MYRFL: variants seen among roughly 807,000 people sequenced by gnomAD.
MYRFL encodes myelin regulatory factor like.
MYRFL carries 88 observed loss-of-function variants against 109.4 expected under a neutral mutation model. The observed-to-expected ratio is 0.80, with a 90% confidence interval of 0.68 to 0.96. The LOEUF (loss-of-function observed/expected upper bound fraction) is 0.96. Among genes scored for constraint, MYRFL ranks in the 40% least tolerant of loss-of-function variants. The pLI is 0.00. For synonymous variants in MYRFL, 324 were observed against 320.9 expected (o/e 1.01, Z -0.10); for missense variants, 957 against 954.9 (o/e 1.00, Z -0.03).
intron 2 of MYRFL, among the ~76,000 whole-genome samples, chr12:69,863,228 C>G (rs546382639): frequency 2.3e-4 from 35 of 152,252 alleles, no homozygotes; most frequent in African/African-American, 8.2e-4. Context: ...GGTTGTGTCT[C>G]TGCCCGGCGT....
chr12:69,875,965 A>G (rs1191116748), intron 2 of MYRFL, among the ~76,000 whole-genome samples: 1 of 151,988 alleles, frequency 6.6e-6, no homozygotes, highest in Non-Finnish European at 1.5e-5. Context: ...CAAATTGTAA[A>G]CTTTGTCTCG....
chr12:69,892,207 C>T (rs751188208), intron 7 of MYRFL, among the ~76,000 whole-genome samples: 2 of 152,104 alleles, frequency 1.3e-5, no homozygotes, highest in South Asian at 2.1e-4. Context: ...ATTTAGTCAA[C>T]GCCCTCCTGT....
At chr12:69,848,871 T>C (rs779117393) in intron 1 of MYRFL, among the ~76,000 whole-genome samples, 5 of 152,214 alleles carry the variant, frequency 3.3e-5, no homozygotes, top group Non-Finnish European at 7.4e-5. Context: ...TATTTGTTTT[T>C]GTTTTTGTTA....
At position 69,842,774 on chromosome 12, in the gene MYRFL, C is replaced by T. The variant is rs568714310; in HGVS notation, c.47-12506C>T. Among the ~76,000 whole-genome samples the T allele has an allele frequency of 4.6e-5, 7 of 152,294 alleles. No homozygotes were observed. In the South Asian group the frequency reaches 1.4e-3, roughly 32 times the overall value. On this transcript the variant is annotated intron_variant, in intron 1 of 24. Transcript: ENST00000552032. Reference sequence around the variant, plus strand: ...TGAATCCCTACTTAACCTTAAAAAGCCCTCTCAGGTGTCACTGATAGGAAG... The same window carrying T: ...TGAATCCCTACTTAACCTTAAAAAGTCCTCTCAGGTGTCACTGATAGGAAG...
intron 5 of MYRFL, among the ~76,000 whole-genome samples, chr12:69,880,927 A>T: frequency 6.8e-6 from 1 of 146,256 alleles, no homozygotes; most frequent in African/African-American, 2.5e-5. Flanking sequence ...CGAGTCATCT[A>T]ATGTCCAAGC....
chr12:69,944,169 C>G (rs1955755503), intron 19 of MYRFL, among the ~76,000 whole-genome samples: 1 of 147,266 alleles, frequency 6.8e-6, no homozygotes, highest in Non-Finnish European at 1.5e-5. Context: ...TTTGACCCAG[C>G]CATCCCATTA....
At position 69,828,554 on chromosome 12, in the gene MYRFL, C is replaced by T. The variant is rs12372439; in HGVS notation, c.46+2991C>T. Among the ~76,000 whole-genome samples, 285 of 152,182 alleles carry T rather than the reference C, an allele frequency of 1.9e-3. 1 individual carries two copies. Among genetic ancestry groups the T allele is most frequent in the South Asian group, 8.9e-3 (43 of 4,818 alleles). ...TTAACGTTTGCAAAGTTTAAGTTAACTTGAAACTTTAACGTTTGCAAAGTT... is the reference window on the plus strand; with the variant it reads ...TTAACGTTTGCAAAGTTTAAGTTAATTTGAAACTTTAACGTTTGCAAAGTT... On this transcript the variant is annotated intron_variant, in intron 1 of 24. Transcript: ENST00000552032.
intron 21 of MYRFL, among the ~76,000 whole-genome samples, chr12:69,954,258 T>C (rs1376375706): frequency 6.6e-6 from 1 of 152,232 alleles, no homozygotes; most frequent in East Asian, 1.9e-4. Flanking sequence ...AAGATGGGGA[T>C]ACTTTCAAAA....
rs1336716063 is a variant in MYRFL at position 69,926,932 on chromosome 12, G to GTTTTTTTTTTTTTTTTTTTTTTTTTT, written c.1766+198_1766+199insTTTTTTTTTTTTTTTTTTTTTTTTTT. On this transcript the variant is annotated intron_variant, in intron 14 of 24. Transcript: ENST00000552032. ...ACTTTCTTAGTTTTTTTCTGTTGCTGGTTTTTTTTTTTTTTTTTTTTTTTT... is the reference window on the plus strand; with the variant it reads ...ACTTTCTTAGTTTTTTTCTGTTGCTGTTTTTTTTTTTTTTTTTTTTTTTTTTGTTTTTTTTTTTTTTTTTTTTTTTT... Among the ~76,000 whole-genome samples the GTTTTTTTTTTTTTTTTTTTTTTTTTT allele has an allele frequency of 9.2e-4, 71 of 76,848 alleles. 28 individuals are homozygous for GTTTTTTTTTTTTTTTTTTTTTTTTTT. The highest frequency in any genetic ancestry group is 1.7e-3 in the Non-Finnish European group (67 of 39,076). 50.4% of individuals were successfully genotyped at this position (76,848 alleles called of 152,430 possible).
At chr12:69,925,396 T>A (rs1159948622) in intron 13 of MYRFL, among the ~76,000 whole-genome samples, 1 of 152,214 alleles carries the variant, frequency 6.6e-6, no homozygotes, top group East Asian at 1.9e-4. Flanking sequence ...TGCTCTACAG[T>A]GTTCGAAACC....
intron 13 of MYRFL, among the ~76,000 whole-genome samples, chr12:69,915,638 T>C (rs1280932688): frequency 6.6e-6 from 1 of 152,064 alleles, no homozygotes; most frequent in Non-Finnish European, 1.5e-5. Context: ...CTGGGGTAAT[T>C]TGCCTCTTCT....
In MYRFL at chr12:69,926,643, A is replaced by G; in HGVS notation, c.1675A>G (p.Ile559Val). Reference sequence around the variant, plus strand: ...ACTAACTAACAACCTTGAGGAAAGAATAGAAGAGTTAGAAATATGGAACAG... The same window carrying G: ...ACTAACTAACAACCTTGAGGAAAGAGTAGAAGAGTTAGAAATATGGAACAG... ...CKLTNNLEERIEELEIWNRKL... is the reference protein window; with the variant it reads ...CKLTNNLEERVEELEIWNRKL... Residue 559 changes from isoleucine to valine, a missense_variant, in exon 14 of 25, where the codon ATA (isoleucine) becomes GTA (valine). Transcript: ENST00000552032. 1 of 1,531,076 alleles carries G rather than the reference A, an allele frequency of 6.5e-7. No individual in the cohort carries two copies. The highest frequency in any genetic ancestry group is 8.7e-7 in the Non-Finnish European group (1 of 1,143,952). The allele number at this position is 1,531,076 out of a possible 1,614,324, so 94.8% of individuals were successfully genotyped here. A position where few individuals can be genotyped will look rare whatever the true frequency, so the allele number is the denominator to read the frequency against.
chr12:69,888,082 G>A (rs781572126), intron 6 of MYRFL, among the ~76,000 whole-genome samples: 1 of 152,130 alleles, frequency 6.6e-6, no homozygotes, highest in Non-Finnish European at 1.5e-5. Context: ...AGTTTTCAAG[G>A]TAAGTGTTAT....
At chr12:69,834,305 T>C (rs1882809834) in intron 1 of MYRFL, among the ~76,000 whole-genome samples, 3 of 152,216 alleles carry the variant, frequency 2.0e-5, no homozygotes, top group African/African-American at 7.2e-5. Context: ...TCATGTGACT[T>C]GATGCTGAGA....
At chr12:69,945,919 G>A (rs1351896900) in intron 19 of MYRFL, among the ~76,000 whole-genome samples, 11 of 137,606 alleles carry the variant, frequency 8.0e-5, no homozygotes, top group South Asian at 7.1e-4. Flanking sequence ...CCCGGGAGGC[G>A]GAGCTTGCAG....
intron 1 of MYRFL, among the ~76,000 whole-genome samples, chr12:69,840,069 A>G (rs1037798473): frequency 1.3e-5 from 2 of 152,214 alleles, no homozygotes; most frequent in East Asian, 1.9e-4. Context: ...TCCCCATATT[A>G]TATTTACATA....
At chr12:69,905,991 G>T (rs1449182268) in intron 11 of MYRFL, among the ~76,000 whole-genome samples, 2 of 152,164 alleles carry the variant, frequency 1.3e-5, no homozygotes, top group Non-Finnish European at 2.9e-5. Context: ...CAATTTGATG[G>T]CATGCATAGG....
intron 8 of MYRFL, 25 bp from the exon 9 acceptor site, chr12:69,895,346 T>TC (rs1953951583): frequency 7.1e-7 from 1 of 1,414,020 alleles, no homozygotes; most frequent in Non-Finnish European, 9.5e-7. Context: ...GTCTCTTGGT[T>TC]TTTTTTTTTT....
At chr12:69,930,971 C>T (rs1955255231) in intron 15 of MYRFL, among the ~76,000 whole-genome samples, 1 of 152,130 alleles carries the variant, frequency 6.6e-6, no homozygotes, top group Admixed American at 6.5e-5. Flanking sequence ...ATTCTATGCA[C>T]ACCTTAATTT....
Sources: gnomAD v4.1 joint callset for allele counts (sites outside exome capture counted in the v4.1 genomes callset) on GRCh38, gnomAD v4.1.1 for gene constraint, MANE v1.5 for transcripts, NCBI Gene and HGNC (gene_info 2026-07-23, HGNC 2026-07-21) for gene names.